CDH26: variants seen among roughly 807,000 people sequenced by gnomAD.
The protein encoded by CDH26 is cadherin 26, also known as cadherin-like protein 26.
Under a neutral mutation model 90.3 loss-of-function variants are expected in CDH26, and 83 were observed. That is an observed-to-expected ratio of 0.92 (90% CI 0.77 to 1.10). The LOEUF (loss-of-function observed/expected upper bound fraction) is 1.10, where lower values mean the gene tolerates loss of function less well. Among genes scored for constraint, CDH26 ranks in the 50% least tolerant of loss-of-function variants. The pLI is 0.00. For synonymous variants in CDH26, 397 were observed against 396.3 expected (o/e 1.00, Z -0.02); for missense variants, 1,013 against 1,037.6 (o/e 0.98, Z 0.33).
intron 10 of CDH26, among the ~76,000 whole-genome samples, chr20:59,993,848 T>C (rs1569045179): frequency 6.6e-6 from 1 of 152,220 alleles, no homozygotes; most frequent in African/African-American, 2.4e-5. Flanking sequence ...GACTACAGTG[T>C]AACCTTGTAA....
chr20:60,018,558 A>T (rs1227474078), downstream of CDH26, among the ~76,000 whole-genome samples: 3 of 151,966 alleles, frequency 2.0e-5, no homozygotes, highest in Admixed American at 6.5e-5. Flanking sequence ...TCATCCAGCC[A>T]GTCTTTATCT....
downstream of CDH26, among the ~76,000 whole-genome samples, chr20:60,019,372 C>T (rs938603316): frequency 6.6e-6 from 1 of 152,142 alleles, no homozygotes; most frequent in Admixed American, 6.5e-5. Context: ...TTAATGGTGT[C>T]CCATAAATCC....
At chr20:59,958,870 A>G (rs932411263) in intron 1 of CDH26, 75 bp downstream of exon 1, 6 of 1,445,786 alleles carry the variant, frequency 4.1e-6, no homozygotes, top group Non-Finnish European at 4.7e-6. Flanking sequence ...TGCCCCTTCT[A>G]GGCTAAGGGA....
chr20:60,019,809 C>G (rs1472187725), intron 7 of CDH26, among the ~76,000 whole-genome samples: 1 of 152,188 alleles, frequency 6.6e-6, no homozygotes, highest in Non-Finnish European at 1.5e-5. Context: ...TTATACATAT[C>G]TGGTGAAACA....
rs368696795 is a variant in CDH26 at position 59,988,500 on chromosome 20, C to A, written c.1024-404C>A. On this transcript the variant is annotated intron_variant, in intron 8 of 17. Transcript: ENST00000348616. ...CCTGGGGTTGAATTTTCAAAATATT[C>A]CCAGGCTTTCAATCCTTTTAAGTCA... Among the ~76,000 whole-genome samples, 59 of 152,300 alleles carry A rather than the reference C, an allele frequency of 3.9e-4. 1 individual carries two copies. In the South Asian group the frequency reaches 0.012, roughly 31 times the overall value.
At position 59,988,983 on chromosome 20, in the gene CDH26, G is replaced by C. The variant is rs770818062; in HGVS notation, c.1103G>C (p.Arg368Thr). ...GAGGAGAGGCTCGTCTTCTGTGAGAGAGGAAAGCTTCAGCCGCCAAGGAAG... is the reference window on the plus strand; with the variant it reads ...GAGGAGAGGCTCGTCTTCTGTGAGACAGGAAAGCTTCAGCCGCCAAGGAAG... ...ENEERLVFCE[R>T]GKLQPPRKAA... The change falls in exon 9 of 18, where the codon AGA (arginine) becomes ACA (threonine). Residue 368 changes from arginine (R) to threonine (T), a missense_variant. Arg to Thr is a moderately conservative substitution (Grantham distance 71). Transcript: ENST00000348616. The C allele has an allele frequency of 4.3e-6, 7 of 1,614,062 alleles. No individual in the cohort carries two copies. In the East Asian group the frequency reaches 1.1e-4, roughly 26 times the overall value.
rs2061885870 is a variant in CDH26, at chr20:60,014,295, A to T, written c.*1565A>T. On this transcript the variant is annotated 3_prime_UTR_variant, in exon 18 of 18. Transcript: ENST00000348616. Reference sequence around the variant, plus strand: ...ACATTTTTCATTTCTTTGTATTGGTACGGAGCATTCAATATCCATCCCCCT... The same window carrying T: ...ACATTTTTCATTTCTTTGTATTGGTTCGGAGCATTCAATATCCATCCCCCT... The T allele has an allele frequency of 6.6e-6, 1 of 152,184 alleles. No individual in the cohort carries two copies. Among genetic ancestry groups the T allele is most frequent in the Non-Finnish European group, 1.5e-5 (1 of 68,046 alleles). The allele number at this position is 152,184 out of a possible 1,614,324, so 9.4% of individuals were successfully genotyped here. A position where few individuals can be genotyped will look rare whatever the true frequency, so the allele number is the denominator to read the frequency against.
At chr20:60,034,972 C>T (rs546764428), downstream of CDH26, among the ~76,000 whole-genome samples, 6 of 152,280 alleles carry the variant, frequency 3.9e-5, no homozygotes, top group African/African-American at 1.4e-4. Context: ...CTTTGGTTCT[C>T]CTTCACAGAG....
rs2061859506 is a variant in CDH26, at chr20:60,012,528, A to T, written c.2297A>T (p.Lys766Ile). ...TCTCTTTCCCCCACTTTTCCCCAGA[A>T]ACTCCATGTTGCCAATGTGCTGGAA... is the stretch of plus-strand genomic sequence containing the variant. Reference protein sequence around the residue: ...EGRMAETLNQKLHVANVLEDD... With the variant: ...EGRMAETLNQILHVANVLEDD... Residue 766 changes from lysine to isoleucine, a missense_variant and splice_region_variant, in exon 18 of 18, where the codon AAA becomes ATA. Transcript: ENST00000348616. The T allele has an allele frequency of 6.2e-7, 1 of 1,610,640 alleles. No homozygotes were observed. Among genetic ancestry groups the T allele is most frequent in the Admixed American group, 1.7e-5 (1 of 59,522 alleles).
Position 59,970,163 on chromosome 20 carries a change from C to T in CDH26, c.208C>T (p.Pro70Ser), listed in dbSNP as rs2061238237. The change falls in exon 3 of 18, where the codon CCC (proline) becomes TCC (serine). Residue 70 changes from proline to serine, a missense_variant. By Grantham distance (74) the Pro-to-Ser change is moderately conservative (BLOSUM62 -1). Coordinates refer to ENST00000348616, the MANE Select transcript of CDH26 (RefSeq NM_177980.4). Reference protein sequence around the residue: ...TLELEEEDPGPFPKLIGELFN... With the variant: ...TLELEEEDPGSFPKLIGELFN... ...GGAGCTGGAGGAGGAAGACCCGGGACCCTTTCCCAAACTCATTGGTGAGGT... is the reference window on the plus strand; with the variant it reads ...GGAGCTGGAGGAGGAAGACCCGGGATCCTTTCCCAAACTCATTGGTGAGGT... The T allele has an allele frequency of 6.2e-7, 1 of 1,614,020 alleles. No individual in the cohort carries two copies. The highest frequency in any genetic ancestry group is 8.5e-7 in the Non-Finnish European group (1 of 1,179,956).
Position 59,969,033 on chromosome 20 carries a change from G to T in CDH26, c.126+10G>T, listed in dbSNP as rs753242982. The T allele has an allele frequency of 6.4e-7, 1 of 1,572,968 alleles. No individual in the cohort carries two copies. ...TACTAAGCAAACAAAGGTGAGGTTTGGAAGTCAGTTTCTTAATATATAAAA... is the reference window on the plus strand; with the variant it reads ...TACTAAGCAAACAAAGGTGAGGTTTTGAAGTCAGTTTCTTAATATATAAAA... On this transcript the variant is annotated intron_variant, in intron 2 of 17. Transcript: ENST00000348616.
chr20:59,993,566 T>C lies in CDH26; in HGVS notation c.1427-684T>C, dbSNP rs557426604. Reference sequence around the variant, plus strand: ...CTTAGAAGAATGGCCTCCAGCTCTATTCAAGTGTCTGCAAAAAAACATGAT... The same window carrying C: ...CTTAGAAGAATGGCCTCCAGCTCTACTCAAGTGTCTGCAAAAAAACATGAT... On this transcript the variant is annotated intron_variant, in intron 10 of 17. Transcript: ENST00000348616. 2.1e-4 allele frequency among the ~76,000 whole-genome samples: 32 copies of C among 152,366 alleles called. 1 individual carries two copies. In the South Asian group the frequency reaches 6.6e-3, roughly 32 times the overall value.
At chr20:60,005,495 T>A (rs796851886) in intron 16 of CDH26, among the ~76,000 whole-genome samples, 278 of 139,906 alleles carry the variant, frequency 2.0e-3, no homozygotes, top group African/African-American at 8.4e-3. Context: ...TATGTATGTA[T>A]GTATGTATGT....
At chr20:59,971,469 G>T (rs1036810223) in intron 3 of CDH26, among the ~76,000 whole-genome samples, 1 of 152,238 alleles carries the variant, frequency 6.6e-6, no homozygotes, top group Non-Finnish European at 1.5e-5. Context: ...TGTTAGTTGT[G>T]TGATCACTAC....
chr20:59,967,924 CT>C (rs2061187349), intron 1 of CDH26, among the ~76,000 whole-genome samples: 1 of 128,930 alleles, frequency 7.8e-6, no homozygotes, highest in African/African-American at 3.2e-5. Context: ...CTTTCCTTTC[CT>C]TTCCTTTCCC....
chr20:60,014,135 T>C lies in CDH26; in HGVS notation c.*1405T>C, dbSNP rs2061884017. 6.6e-6 allele frequency: 1 copy of C among 152,198 alleles called. No homozygotes were observed. Among genetic ancestry groups the C allele is most frequent in the Non-Finnish European group, 1.5e-5 (1 of 68,038 alleles). 9.4% of individuals were successfully genotyped at this position (152,198 alleles called of 1,614,324 possible). On this transcript the variant is annotated 3_prime_UTR_variant, in exon 18 of 18. Transcript: ENST00000348616. Reference sequence around the variant, plus strand: ...TCCCCTGTAGATTTTTAAAAAATTATCTCATTTTAAAACTTTATTATTTCA... The same window carrying C: ...TCCCCTGTAGATTTTTAAAAAATTACCTCATTTTAAAACTTTATTATTTCA...
chr20:59,982,332 C>A (rs2145983535), intron 4 of CDH26, among the ~76,000 whole-genome samples: 1 of 152,176 alleles, frequency 6.6e-6, no homozygotes, highest in South Asian at 2.1e-4. Flanking sequence ...ATTATGATGT[C>A]TTTTTAAAAT....
chr20:60,032,755 A>G (rs1175525154), intron 8 of CDH26, among the ~76,000 whole-genome samples: 5 of 150,056 alleles, frequency 3.3e-5, no homozygotes, highest in Non-Finnish European at 7.4e-5. Flanking sequence ...AGAACAAAAA[A>G]CCAAACACCG....
intron 7 of CDH26, among the ~76,000 whole-genome samples, chr20:60,021,017 G>T (rs2061948128): frequency 1.3e-5 from 2 of 152,178 alleles, no homozygotes; most frequent in South Asian, 4.1e-4. Context: ...GCCCTCCTGG[G>T]CTTCTAGCCG....
Sources: gnomAD v4.1 joint callset for allele counts (sites outside exome capture counted in the v4.1 genomes callset) on GRCh38, gnomAD v4.1.1 for gene constraint, MANE v1.5 for transcripts, NCBI Gene and HGNC (gene_info 2026-07-23, HGNC 2026-07-21) for gene names.